JAKMIP1: variants seen among roughly 807,000 people sequenced by gnomAD.
JAKMIP1 encodes janus kinase and microtubule-interacting protein 1.
A neutral mutation model predicts 113.0 loss-of-function variants in JAKMIP1; 33 were observed. The ratio of observed to expected loss-of-function variants is 0.29; its 90% CI spans 0.22 to 0.39. JAKMIP1 has a LOEUF of 0.39. JAKMIP1 is among the 10% of genes least tolerant of loss of function. JAKMIP1 has a pLI of 1.00. For synonymous variants in JAKMIP1, 480 were observed against 459.9 expected (o/e 1.04, Z -0.56); for missense variants, 813 against 1,080.5 (o/e 0.75, Z 3.47).
chr4:6,027,822 CTT>C (rs34999829), intron 20 of JAKMIP1, among the ~76,000 whole-genome samples: 2,906 of 149,950 alleles, frequency 0.019, 81 homozygotes, highest in African/African-American at 0.066. Flanking sequence ...TTCCACCTGA[CTT>C]TTAACATTTT....
At chr4:6,189,485 T>C (rs1727006710) in intron 1 of JAKMIP1, among the ~76,000 whole-genome samples, 1 of 152,176 alleles carries the variant, frequency 6.6e-6, no homozygotes, top group Admixed American at 6.5e-5. Context: ...GGCGAGAACA[T>C]ACTGTGATCC....
intron 1 of JAKMIP1, among the ~76,000 whole-genome samples, chr4:6,126,384 T>TGCAGAAACACACACACAAACACACAC (rs1717623998): frequency 8.6e-5 from 1 of 11,604 alleles, no homozygotes; most frequent in Non-Finnish European, 1.8e-4. Flanking sequence ...CAAACACACA[T>TGCAGAAACACACACACAAACACACAC]CATACAGAAA....
intron 1 of JAKMIP1, among the ~76,000 whole-genome samples, chr4:6,164,989 T>C (rs1306110552): frequency 1.3e-5 from 2 of 152,248 alleles, no homozygotes; most frequent in African/African-American, 4.8e-5. Flanking sequence ...ACTTAGCTGA[T>C]AAGGCAGTGG....
In JAKMIP1 at chr4:6,135,041, G is replaced by C. The variant is rs1241584456; in HGVS notation, c.-147-22044C>G. 6.6e-6 allele frequency among the ~76,000 whole-genome samples: 1 copy of C among 150,738 alleles called. No individual in the cohort carries two copies. The highest frequency in any genetic ancestry group is 1.5e-5 in the Non-Finnish European group (1 of 67,540). ...TAGAGATGGCAGGTGTAGGGCTCGT[G>C]TATCTCTGGTCTGGTATCGTTGGGG... On this transcript the variant is annotated intron_variant, in intron 1 of 20. Coordinates refer to ENST00000409021, the MANE Select transcript of JAKMIP1 (RefSeq NM_001099433.2). The surrounding 1 kb of genome is among the most constrained non-coding windows in gnomAD (Gnocchi z 4.9).
Position 6,153,063 on chromosome 4 carries a change from T to C in JAKMIP1, c.-147-40066A>G, listed in dbSNP as rs28464819. Among the ~76,000 whole-genome samples, 11,571 of 152,104 alleles carry C rather than the reference T, an allele frequency of 0.076. 991 individuals carry two copies. Among genetic ancestry groups the C allele is most frequent in the African/African-American group, 0.21 (8,514 of 41,444 alleles). On this transcript the variant is annotated intron_variant, in intron 1 of 20. Transcript: ENST00000409021. The surrounding 1 kb of genome is among the most constrained non-coding windows in gnomAD (Gnocchi z 4.9). ...AACCTGAGCTCAGTCTGTTTTTCTG[T>C]GACCAGCCCCACCCATGCACATCCC...
chr4:6,073,190 G>T (rs762199930), intron 8 of JAKMIP1, among the ~76,000 whole-genome samples: 1 of 151,928 alleles, frequency 6.6e-6, no homozygotes, highest in African/African-American at 2.4e-5. Flanking sequence ...GGCCTCAGGG[G>T]TGTCCTTCCC....
intron 16 of JAKMIP1, among the ~76,000 whole-genome samples, chr4:6,043,547 C>A (rs1426484776): frequency 3.3e-5 from 5 of 152,076 alleles, no homozygotes; most frequent in Non-Finnish European, 1.5e-5. Context: ...CACTCCCAAG[C>A]CTCAAGGCAT....
rs1719484063 is a variant in JAKMIP1, at chr4:6,137,916, G to T, written c.-147-24919C>A. Among the ~76,000 whole-genome samples, 1 of 152,040 alleles carries T rather than the reference G, an allele frequency of 6.6e-6. No individual in the cohort carries two copies. The highest frequency in any genetic ancestry group is 1.5e-5 in the Non-Finnish European group (1 of 68,008). On this transcript the variant is annotated intron_variant, in intron 1 of 20. Transcript: ENST00000409021. The surrounding 1 kb of genome is among the most constrained non-coding windows in gnomAD (Gnocchi z 4.5). ...GGCATGGGCCTGGCAGACAAGGTGT[G>T]CTCTGGCGTTGGGGGTCCCACCATG...
intron 3 of JAKMIP1, among the ~76,000 whole-genome samples, chr4:6,098,469 G>A (rs991908791): frequency 3.3e-5 from 5 of 150,372 alleles, no homozygotes; most frequent in African/African-American, 1.2e-4. Context: ...GGAAGGGCAG[G>A]AGGGAAGGAA....
chr4:6,119,580 C>A (rs1012754950), intron 1 of JAKMIP1, among the ~76,000 whole-genome samples: 10 of 149,860 alleles, frequency 6.7e-5, no homozygotes, highest in Admixed American at 2.0e-4. Context: ...CAAAAAAAAA[C>A]CACTCCTGGG....
intron 3 of JAKMIP1, among the ~76,000 whole-genome samples, chr4:6,091,128 G>A (rs1345752717): frequency 6.6e-6 from 1 of 152,212 alleles, no homozygotes; most frequent in Non-Finnish European, 1.5e-5. Context: ...TTTGCTTAAG[G>A]AGTGACATTT....
chr4:6,070,101 C>T (rs1351967288), intron 8 of JAKMIP1: 1 of 398,776 alleles, frequency 2.5e-6, no homozygotes, highest in African/African-American at 2.1e-5. Context: ...GAAGTACAGG[C>T]ACACCAGGGC....
In JAKMIP1 at chr4:6,086,032, C is replaced by T. The variant is rs1721247109; in HGVS notation, c.625-403G>A. On this transcript the variant is annotated intron_variant, in intron 3 of 20. Transcript: ENST00000409021. The surrounding 1 kb of genome is among the most constrained non-coding windows in gnomAD (Gnocchi z 4.1). ...TGTCTCCCTCTCAGTCATTGACCCT[C>T]TCCTGCCTGGCCACAACTCCCCAAC... Among the ~76,000 whole-genome samples, 3 of 152,226 alleles carry T rather than the reference C, an allele frequency of 2.0e-5. No homozygotes were observed. The highest frequency in any genetic ancestry group is 2.1e-4 in the South Asian group (1 of 4,812).
chr4:6,143,462 T>G lies in JAKMIP1; in HGVS notation c.-147-30465A>C, dbSNP rs1459631326. 6.6e-6 allele frequency among the ~76,000 whole-genome samples: 1 copy of G among 152,174 alleles called. No homozygotes were observed. Among genetic ancestry groups the G allele is most frequent in the Non-Finnish European group, 1.5e-5 (1 of 68,018 alleles). On this transcript the variant is annotated intron_variant, in intron 1 of 20. Transcript: ENST00000409021. This position sits in a 1 kb window ranked among gnomAD's most constrained non-coding sequence, Gnocchi z 4.9. ...CAACGGGTCCCCTCTGGAGCCAGCA[T>G]GTGCCACCTCACACTCCACAATGGG... is the stretch of plus-strand genomic sequence containing the variant.
At chr4:6,134,642 G>T (rs1213594786) in intron 1 of JAKMIP1, among the ~76,000 whole-genome samples, 2 of 152,144 alleles carry the variant, frequency 1.3e-5, no homozygotes, top group Admixed American at 6.5e-5. Context: ...ACCAGACTCG[G>T]TGCCCATGAC....
intron 3 of JAKMIP1, among the ~76,000 whole-genome samples, chr4:6,102,224 A>G (rs984177297): frequency 2.0e-5 from 3 of 152,172 alleles, no homozygotes; most frequent in African/African-American, 7.2e-5. Context: ...GTGTGTATGT[A>G]CCTTGTATAT....
chr4:6,195,576 C>G (rs1225393140), intron 1 of JAKMIP1, among the ~76,000 whole-genome samples: 3 of 152,210 alleles, frequency 2.0e-5, no homozygotes, highest in Non-Finnish European at 4.4e-5. Flanking sequence ...ATATAAATCT[C>G]CCTGCTCCTG....
At chr4:6,085,139 G>T (rs1298639389) in intron 4 of JAKMIP1, among the ~76,000 whole-genome samples, 174 bp from the exon 5 acceptor site, 3 of 152,116 alleles carry the variant, frequency 2.0e-5, no homozygotes, top group Non-Finnish European at 4.4e-5. Flanking sequence ...ACCTGCGGAA[G>T]ACTCCATCTA....
At chr4:6,161,941 T>C (rs144692169) in intron 1 of JAKMIP1, among the ~76,000 whole-genome samples, 6 of 152,308 alleles carry the variant, frequency 3.9e-5, no homozygotes, top group Non-Finnish European at 8.8e-5. Context: ...GACGTGGTGA[T>C]GTACTGAACA....
Sources: allele counts gnomAD v4.1 joint callset (sites outside exome capture counted in the v4.1 genomes callset), GRCh38; gene constraint gnomAD v4.1.1; non-coding constraint Gnocchi (gnomAD v3.1); transcripts MANE v1.5; gene names NCBI Gene and HGNC (gene_info 2026-07-23, HGNC 2026-07-21).